Variants in VWA8 observed in about 807,000 individuals in gnomAD.
VWA8 encodes the protein von Willebrand factor A domain containing 8.
A neutral mutation model predicts 241.5 loss-of-function variants in VWA8; 221 were observed. That is an observed-to-expected ratio of 0.91 (90% CI 0.82 to 1.02). The LOEUF (loss-of-function observed/expected upper bound fraction) is 1.02, where lower values mean the gene tolerates loss of function less well. Among genes scored for constraint, VWA8 ranks in the 50% least tolerant of loss-of-function variants. VWA8 has a pLI of 0.00. For missense variants in VWA8, 2,322 were observed against 2,328.7 expected, an observed-to-expected ratio of 1.00 and a Z score of 0.06; for synonymous variants, 852 against 827.1, an observed-to-expected ratio of 1.03 and a Z score of -0.52.
chr13:41,576,923 ATG>A (rs2139636799), intron 42 of VWA8, among the ~76,000 whole-genome samples: 1 of 152,276 alleles, frequency 6.6e-6, no homozygotes, highest in Non-Finnish European at 1.5e-5. Context: ...CCTCAAATGC[ATG>A]TGTGTGGACA....
At chr13:41,798,785 C>T (rs1196695527) in intron 17 of VWA8, among the ~76,000 whole-genome samples, 1 of 152,044 alleles carries the variant, frequency 6.6e-6, no homozygotes, top group Non-Finnish European at 1.5e-5. Context: ...GTTGGATTTT[C>T]TTATCTTATT....
At chr13:41,827,477 G>C (rs967072168) in intron 14 of VWA8, among the ~76,000 whole-genome samples, 1 of 152,192 alleles carries the variant, frequency 6.6e-6, no homozygotes, top group South Asian at 2.1e-4. Flanking sequence ...AGCCTCTGGG[G>C]AGTAAGATGT....
At chr13:41,746,607 T>C (rs1055990025) in intron 21 of VWA8, among the ~76,000 whole-genome samples, 2 of 152,176 alleles carry the variant, frequency 1.3e-5, no homozygotes, top group Admixed American at 1.3e-4. Context: ...ACTGTCCAGG[T>C]GACGGAACAG....
At chr13:41,877,399 TA>T (rs202077709) in intron 9 of VWA8, among the ~76,000 whole-genome samples, 2 of 147,456 alleles carry the variant, frequency 1.4e-5, no homozygotes, top group Admixed American at 6.8e-5. Context: ...CTACACTGCT[TA>T]AAAAAAAAAC....
At chr13:41,860,391 T>A (rs1405955255) in intron 12 of VWA8, among the ~76,000 whole-genome samples, 2 of 152,172 alleles carry the variant, frequency 1.3e-5, no homozygotes, top group Non-Finnish European at 1.5e-5. Context: ...GGGAAACTTA[T>A]GTGCCTTTCA....
chr13:41,585,166 T>G lies in VWA8; in HGVS notation c.5271+2346A>C, dbSNP rs189039368. On this transcript the variant is annotated intron_variant, in intron 42 of 44. Transcript: ENST00000379310. ...TTGTGTGTGACAGGTCTAGTTTCATTAATAGTTCTTCCATATTATAGACTT... is the reference window on the plus strand; with the variant it reads ...TTGTGTGTGACAGGTCTAGTTTCATGAATAGTTCTTCCATATTATAGACTT... Among the ~76,000 whole-genome samples the G allele has an allele frequency of 2.3e-4, 35 of 152,338 alleles. No individual in the cohort carries two copies. The East Asian group carries it at 6.2e-3, about 27-fold the overall frequency.
intron 44 of VWA8, 105 bp downstream of exon 44, chr13:41,570,363 C>T: frequency 2.0e-6 from 2 of 1,000,186 alleles, no homozygotes; most frequent in Admixed American, 2.2e-5. Flanking sequence ...GTTTTTCCTC[C>T]ATCTGCCTCA....
intron 12 of VWA8, among the ~76,000 whole-genome samples, 168 bp from the exon 13 acceptor site, chr13:41,833,699 C>CT (rs940780614): frequency 7.9e-5 from 12 of 151,874 alleles, no homozygotes; most frequent in East Asian, 5.8e-4. Flanking sequence ...CTTCAGAAAG[C>CT]TTTTTTTTGG....
chr13:41,885,248 A>G (rs1468031969), intron 8 of VWA8, among the ~76,000 whole-genome samples: 1 of 152,186 alleles, frequency 6.6e-6, no homozygotes, highest in Non-Finnish European at 1.5e-5. Flanking sequence ...TCATTCTCCA[A>G]AGATACTAGG....
chr13:41,776,687 G>A (rs1868611031), intron 20 of VWA8, among the ~76,000 whole-genome samples: 1 of 152,110 alleles, frequency 6.6e-6, no homozygotes, highest in African/African-American at 2.4e-5. Context: ...CCTTACGTTA[G>A]CCCAAAGGGA....
rs1049709852 is a variant in VWA8 at position 41,891,471 on chromosome 13, A to C, written c.600T>G (p.Leu200=). ...CAGACATCAGGAAGCGTCCATCTTCAAGCTGCATCTCTCTGTTTTCCAGCA... is the reference window on the plus strand; with the variant it reads ...CAGACATCAGGAAGCGTCCATCTTCCAGCTGCATCTCTCTGTTTTCCAGCA... ...NNLLENREMQ[L]EDGRFLMSAE... is the part of the protein sequence containing the mutation. The change falls in exon 5 of 45, where the codon CTT becomes CTG. Residue 200 remains leucine (L), a synonymous_variant. Coordinates refer to ENST00000379310, the MANE Select transcript of VWA8 (RefSeq NM_015058.2). The C allele has an allele frequency of 6.2e-7, 1 of 1,614,214 alleles. No individual in the cohort carries two copies. Among genetic ancestry groups the C allele is most frequent in the Non-Finnish European group, 8.5e-7 (1 of 1,180,038 alleles).
intron 2 of VWA8, chr13:41,927,242 CCAA>C (rs1876890145): frequency 4.1e-6 from 2 of 482,304 alleles, no homozygotes; most frequent in East Asian, 5.6e-5. Flanking sequence ...TCAAAAGATT[CCAA>C]CAACATCAAG....
Position 41,937,255 on chromosome 13 carries a change from T to C in VWA8, c.241+12681A>G, listed in dbSNP as rs535932703. 3.9e-5 allele frequency among the ~76,000 whole-genome samples: 6 copies of C among 152,332 alleles called. 1 individual carries two copies. Among genetic ancestry groups the C allele is most frequent in the Admixed American group, 3.3e-4 (5 of 15,304 alleles). On this transcript the variant is annotated intron_variant, in intron 2 of 44. Coordinates refer to ENST00000379310, the MANE Select transcript of VWA8 (RefSeq NM_015058.2). ...TGATTCAAATGCATTACATTTATTG[T>C]GCACTTTATTTCTCTTATTATTACA...
intron 22 of VWA8, among the ~76,000 whole-genome samples, chr13:41,730,862 T>C (rs2045477391): frequency 6.6e-6 from 1 of 151,854 alleles, no homozygotes; most frequent in Admixed American, 6.6e-5. Context: ...TTAAACCATA[T>C]TTTTAAAAAA....
intron 15 of VWA8, 104 bp from the exon 16 acceptor site, chr13:41,816,879 T>C (rs1870721161): frequency 3.3e-6 from 3 of 922,708 alleles, no homozygotes; most frequent in Middle Eastern, 4.5e-4. Context: ...AGAATTACAT[T>C]TTTAGAAAAG....
At chr13:41,848,503 C>T (rs529179720) in intron 12 of VWA8, among the ~76,000 whole-genome samples, 49 of 152,138 alleles carry the variant, frequency 3.2e-4, no homozygotes, top group African/African-American at 1.1e-3. Flanking sequence ...GGTGGTTTCC[C>T]CTATGCTGTT....
intron 2 of VWA8, among the ~76,000 whole-genome samples, chr13:41,948,441 A>G (rs1356444131): frequency 6.6e-6 from 1 of 152,232 alleles, no homozygotes; most frequent in Non-Finnish European, 1.5e-5. Context: ...GTTAGATAAC[A>G]GTATGGTTGT....
chr13:41,889,797 A>T lies in VWA8; in HGVS notation c.651+1623T>A, dbSNP rs181189974. ...AACTTTTTGTTGTGAAGTAACTCCTATACTTAAAAAAAATGATTCCATATT... is the reference window on the plus strand; with the variant it reads ...AACTTTTTGTTGTGAAGTAACTCCTTTACTTAAAAAAAATGATTCCATATT... On this transcript the variant is annotated intron_variant, in intron 5 of 44. Transcript: ENST00000379310. Among the ~76,000 whole-genome samples the T allele has an allele frequency of 4.6e-5, 7 of 152,290 alleles. No individual in the cohort carries two copies. In the East Asian group the frequency reaches 1.3e-3, roughly 29 times the overall value.
intron 9 of VWA8, 71 bp downstream of exon 9, chr13:41,883,316 G>A (rs771946753): frequency 5.9e-5 from 72 of 1,214,840 alleles, no homozygotes; most frequent in Non-Finnish European, 8.3e-5. Flanking sequence ...AAAGGAGTGA[G>A]GGGAAGATGG....
Sources: allele counts gnomAD v4.1 joint callset (sites outside exome capture counted in the v4.1 genomes callset), GRCh38; gene constraint gnomAD v4.1.1; transcripts MANE v1.5; gene names NCBI Gene and HGNC (gene_info 2026-07-23, HGNC 2026-07-21).